The following SORCS2 variants were observed in gnomAD, a reference collection of about 807,000 sequenced individuals.
SORCS2 encodes the protein sortilin related VPS10 domain containing receptor 2, also known as VPS10 domain-containing receptor SorCS2.
Under a neutral mutation model 141.6 loss-of-function variants are expected in SORCS2, and 100 were observed. That is an observed-to-expected ratio of 0.71 (90% CI 0.60 to 0.83). SORCS2 has a LOEUF of 0.83. Ranked by LOEUF, SORCS2 falls within the 40% of genes least tolerant of loss-of-function variation. SORCS2 has a pLI of 0.00. For synonymous variants in SORCS2, 789 were observed against 676.9 expected (o/e 1.17, Z -2.57); for missense variants, 1,646 against 1,560.2 (o/e 1.05, Z -0.93).
intron 2 of SORCS2, among the ~76,000 whole-genome samples, chr4:7,471,010 C>T (rs539897236): frequency 1.3e-5 from 2 of 152,238 alleles, no homozygotes; most frequent in South Asian, 4.1e-4. Flanking sequence ...CCAGGAGCAA[C>T]AGTCTGAGCT....
At chr4:7,389,550 A>G (rs1207028849) in intron 1 of SORCS2, among the ~76,000 whole-genome samples, 1 of 151,994 alleles carries the variant, frequency 6.6e-6, no homozygotes, top group East Asian at 1.9e-4. Flanking sequence ...TGATGAATTC[A>G]CTCAGCAATG....
At chr4:7,715,339 C>T in intron 17 of SORCS2, 28 bp downstream of exon 17, 1 of 1,610,726 alleles carries the variant, frequency 6.2e-7, no homozygotes, top group Middle Eastern at 1.7e-4. Context: ...CCTCTCCCTG[C>T]CTAAATCCGG....
intron 1 of SORCS2, among the ~76,000 whole-genome samples, chr4:7,361,502 C>G (rs148397187): frequency 6.6e-6 from 1 of 152,176 alleles, no homozygotes; most frequent in Admixed American, 6.5e-5. Context: ...GGGCTTCTCA[C>G]GCTGGGCCGC....
chr4:7,495,843 G>T, intron 2 of SORCS2, among the ~76,000 whole-genome samples: 1 of 152,344 alleles, frequency 6.6e-6, no homozygotes, highest in South Asian at 2.1e-4. Context: ...ACCAGGGGCC[G>T]CAGCCCCCAC....
intron 1 of SORCS2, among the ~76,000 whole-genome samples, chr4:7,207,019 A>G (rs948270972): frequency 2.0e-5 from 3 of 151,976 alleles, no homozygotes; most frequent in Admixed American, 2.0e-4. Flanking sequence ...TCACTCATCC[A>G]TCTATCTACA....
chr4:7,459,314 C>T (rs1729136815), intron 2 of SORCS2, among the ~76,000 whole-genome samples: 1 of 152,136 alleles, frequency 6.6e-6, no homozygotes, highest in Non-Finnish European at 1.5e-5. Flanking sequence ...CTCTCCCAAC[C>T]CCAAGCATAT....
chr4:7,617,030 G>T (rs1230869481), intron 3 of SORCS2, among the ~76,000 whole-genome samples: 1 of 152,240 alleles, frequency 6.6e-6, no homozygotes, highest in East Asian at 1.9e-4. Context: ...AAGGTGAGGA[G>T]CCCAGGGTTC....
At chr4:7,352,733 G>T (rs1388953844) in intron 1 of SORCS2, among the ~76,000 whole-genome samples, 1 of 152,208 alleles carries the variant, frequency 6.6e-6, no homozygotes, top group Non-Finnish European at 1.5e-5. Context: ...GGAACGGCAG[G>T]AAGGTGGGGA....
At chr4:7,411,175 C>A (rs980166315) in intron 2 of SORCS2, among the ~76,000 whole-genome samples, 1 of 151,832 alleles carries the variant, frequency 6.6e-6, no homozygotes, top group African/African-American at 2.4e-5. Flanking sequence ...AGGATGGTCT[C>A]CGTCTCTTGA....
chr4:7,638,240 C>A, intron 3 of SORCS2, 88 bp from the exon 4 acceptor site: 1 of 1,421,656 alleles, frequency 7.0e-7, no homozygotes, highest in Non-Finnish European at 9.4e-7. Flanking sequence ...GGGAGAGAGG[C>A]GCACCTGGCC....
intron 3 of SORCS2, among the ~76,000 whole-genome samples, chr4:7,611,470 A>G (rs1213479080): frequency 6.6e-6 from 1 of 152,122 alleles, no homozygotes; most frequent in Admixed American, 6.5e-5. Flanking sequence ...TGCCCAGCCC[A>G]GGAGCTGTTG....
Position 7,443,469 on chromosome 4 carries a change from C to T in SORCS2, c.548+47114C>T, listed in dbSNP as rs76572439. Among the ~76,000 whole-genome samples the T allele has an allele frequency of 7.4e-4, 113 of 152,328 alleles. 2 individuals are homozygous for T. In the East Asian group the frequency reaches 0.017, roughly 22 times the overall value. ...CCCCTGAGATCACACAGGCCTGAGA[C>T]GCAGGGAGTTTTGGGAGCCAGAACC... On this transcript the variant is annotated intron_variant, in intron 2 of 26. Coordinates refer to ENST00000507866, the MANE Select transcript of SORCS2 (RefSeq NM_020777.3).
At chr4:7,222,246 A>G (rs1728749388) in intron 1 of SORCS2, among the ~76,000 whole-genome samples, 1 of 152,236 alleles carries the variant, frequency 6.6e-6, no homozygotes, top group East Asian at 1.9e-4. Flanking sequence ...CCAAATGTCC[A>G]GCAACAGACA....
At chr4:7,357,190 C>T (rs547346103) in intron 1 of SORCS2, among the ~76,000 whole-genome samples, 13 of 152,298 alleles carry the variant, frequency 8.5e-5, no homozygotes, top group African/African-American at 2.4e-4. Flanking sequence ...TCTCCAGCCA[C>T]GTGTCTCTGA....
intron 10 of SORCS2, among the ~76,000 whole-genome samples, chr4:7,685,386 T>A (rs1723810261): frequency 6.6e-6 from 1 of 152,098 alleles, no homozygotes; most frequent in African/African-American, 2.4e-5. Context: ...AATTACAGCC[T>A]CACGGGCTGG....
Position 7,427,858 on chromosome 4 carries a change from C to T in SORCS2, c.548+31503C>T, listed in dbSNP as rs540780533. 8.0e-5 allele frequency among the ~76,000 whole-genome samples: 12 copies of T among 149,848 alleles called. No homozygotes were observed. The South Asian group carries it at 1.5e-3, about 18-fold the overall frequency. On this transcript the variant is annotated intron_variant, in intron 2 of 26. Transcript: ENST00000507866. Reference sequence around the variant, plus strand: ...CCACACCACCGCCCCCCCGCCCCCCCGCACCAGGCCCGACTGCAACGCTGG... The same window carrying T: ...CCACACCACCGCCCCCCCGCCCCCCTGCACCAGGCCCGACTGCAACGCTGG...
intron 1 of SORCS2, among the ~76,000 whole-genome samples, chr4:7,268,791 G>T (rs748710155): frequency 6.6e-6 from 1 of 152,210 alleles, no homozygotes; most frequent in African/African-American, 2.4e-5. Context: ...CTTAAAGCAG[G>T]TGCAGCAGGT....
chr4:7,619,794 G>A (rs914801456), intron 3 of SORCS2, among the ~76,000 whole-genome samples: 2 of 152,176 alleles, frequency 1.3e-5, no homozygotes, highest in Non-Finnish European at 2.9e-5. Context: ...CATAGTGCCC[G>A]AGTGGGAAGG....
intron 4 of SORCS2, among the ~76,000 whole-genome samples, chr4:7,643,991 C>T (rs1283695553): frequency 6.6e-6 from 1 of 152,172 alleles, no homozygotes; most frequent in Non-Finnish European, 1.5e-5. Context: ...GTTCATTTTG[C>T]TCTAAGAATT....
Sources: allele counts gnomAD v4.1 joint callset (sites outside exome capture counted in the v4.1 genomes callset), GRCh38; gene constraint gnomAD v4.1.1; transcripts MANE v1.5; gene names NCBI Gene and HGNC (gene_info 2026-07-23, HGNC 2026-07-21).